ZNF385D: variants seen among roughly 807,000 people sequenced by gnomAD.
The protein encoded by ZNF385D is zinc finger protein 659.
A neutral mutation model predicts 35.8 loss-of-function variants in ZNF385D; 15 were observed. The observed-to-expected ratio is 0.42, with a 90% confidence interval of 0.28 to 0.64. The LOEUF (loss-of-function observed/expected upper bound fraction) is 0.64, where lower values mean the gene tolerates loss of function less well. Ranked by LOEUF, ZNF385D falls within the 30% of genes least tolerant of loss-of-function variation. The pLI is 0.23. For synonymous variants in ZNF385D, 212 were observed against 186.8 expected (o/e 1.13, Z -1.10); for missense variants, 474 against 494.6 (o/e 0.96, Z 0.39).
rs1553606517 is a variant in ZNF385D at position 22,094,397 on chromosome 3, T to TATATCAACAATATATATTGTTG, written c.325+74419_325+74420insCAACAATATATATTGTTGATAT. Among the ~76,000 whole-genome samples the TATATCAACAATATATATTGTTG allele has an allele frequency of 6.9e-3, 857 of 125,008 alleles. 51 individuals carry two copies. Among genetic ancestry groups the TATATCAACAATATATATTGTTG allele is most frequent in the Middle Eastern group, 0.046 (10 of 216 alleles). 82.0% of individuals were successfully genotyped at this position (125,008 alleles called of 152,430 possible). ...GTCATTTATTGTTGATATATATATA[T>TATATCAACAATATATATTGTTG]ATATATATATATAAAGGCATTTGTG... On this transcript the variant is annotated intron_variant, in intron 3 of 5. Transcript: ENST00000494108.
Position 22,200,947 on chromosome 3 carries a change from G to C in ZNF385D, c.107-31912C>G, listed in dbSNP as rs1852565. On this transcript the variant is annotated intron_variant, in intron 2 of 5. Transcript: ENST00000494108. ...TGCTGTTACCCTGGTCTTTTTTCAA[G>C]GTGTCCAGATTTCATATTGTTCAAA... Among the ~76,000 whole-genome samples, 1,326 of 152,130 alleles carry C rather than the reference G, an allele frequency of 8.7e-3. 19 individuals are homozygous for C. Among genetic ancestry groups the C allele is most frequent in the African/African-American group, 0.03 (1,252 of 41,526 alleles).
At chr3:22,026,876 C>A (rs1473371892) in intron 3 of ZNF385D, among the ~76,000 whole-genome samples, 1 of 152,170 alleles carries the variant, frequency 6.6e-6, no homozygotes, top group Non-Finnish European at 1.5e-5. Flanking sequence ...TTGGCCTGTG[C>A]AGAAGACAGA....
chr3:21,645,022 C>G, intron 2 of ZNF385D, among the ~76,000 whole-genome samples: 1 of 152,132 alleles, frequency 6.6e-6, no homozygotes, highest in East Asian at 1.9e-4. Flanking sequence ...TGTCTACAAA[C>G]AGGAAAGCTA....
intron 3 of ZNF385D, among the ~76,000 whole-genome samples, chr3:21,838,517 C>G (rs1017861292): frequency 6.6e-6 from 1 of 152,060 alleles, no homozygotes; most frequent in Non-Finnish European, 1.5e-5. Flanking sequence ...ATCACACCGA[C>G]ACTCTAAGGC....
chr3:22,252,360 T>C (rs1700104404), intron 2 of ZNF385D, among the ~76,000 whole-genome samples: 1 of 152,044 alleles, frequency 6.6e-6, no homozygotes, highest in Admixed American at 6.6e-5. Flanking sequence ...GTATCGATTG[T>C]TGTGTGGGGG....
intron 4 of ZNF385D, among the ~76,000 whole-genome samples, chr3:21,482,920 T>C (rs918565187): frequency 1.1e-4 from 16 of 152,156 alleles, no homozygotes; most frequent in Non-Finnish European, 1.5e-4. Flanking sequence ...ATTCCTGCAA[T>C]GACAACAGCA....
intron 3 of ZNF385D, among the ~76,000 whole-genome samples, chr3:21,757,158 C>T (rs1178408743): frequency 3.0e-5 from 3 of 100,682 alleles, no homozygotes; most frequent in African/African-American, 1.3e-4. Flanking sequence ...GAGATGGTGT[C>T]TCACTCTCTC....
At chr3:22,161,267 C>A (rs1032634705) in intron 3 of ZNF385D, among the ~76,000 whole-genome samples, 1 of 151,894 alleles carries the variant, frequency 6.6e-6, no homozygotes, top group East Asian at 1.9e-4. Context: ...ACTGTACAAA[C>A]AATATTTCTT....
chr3:21,839,360 AG>A (rs1395587898), intron 3 of ZNF385D, among the ~76,000 whole-genome samples: 1 of 152,124 alleles, frequency 6.6e-6, no homozygotes, highest in Non-Finnish European at 1.5e-5. Flanking sequence ...ACAGTCCAAA[AG>A]CTCATCATCT....
At chr3:21,845,019 TAAGAG>T (rs1695913897) in intron 3 of ZNF385D, among the ~76,000 whole-genome samples, 2 of 151,680 alleles carry the variant, frequency 1.3e-5, no homozygotes. Flanking sequence ...TGTAAATAAA[TAAGAG>T]AAGAAAAAGA....
rs1215616996 is a variant in ZNF385D at position 22,241,062 on chromosome 3, C to A, written c.107-72027G>T. Among the ~76,000 whole-genome samples the A allele has an allele frequency of 3.0e-4, 45 of 151,108 alleles. 1 individual carries two copies. Among genetic ancestry groups the A allele is most frequent in the Admixed American group, 2.7e-3 (41 of 15,168 alleles). On this transcript the variant is annotated intron_variant, in intron 2 of 5. Coordinates refer to the ZNF385D transcript ENST00000494108. The stretch of plus-strand genomic sequence containing the variant: ...TGAGTAAATTTTTGCCTTGTTAATA[C>A]CCAATGAAGAGCTCCAAAGTAGCAG...
At chr3:21,473,856 A>C (rs1356652177) in intron 4 of ZNF385D, among the ~76,000 whole-genome samples, 1 of 152,016 alleles carries the variant, frequency 6.6e-6, no homozygotes, top group Non-Finnish European at 1.5e-5. Context: ...ACGCTCACCC[A>C]TTTTCTTCTA....
chr3:21,787,964 A>C (rs112012683), intron 3 of ZNF385D, among the ~76,000 whole-genome samples: 4 of 90,938 alleles, frequency 4.4e-5, no homozygotes, highest in Non-Finnish European at 1.1e-4. Context: ...AAAAAAAAAA[A>C]AAAAAAAAAA....
intron 3 of ZNF385D, among the ~76,000 whole-genome samples, chr3:21,535,100 A>G (rs1432273555): frequency 6.6e-6 from 1 of 152,140 alleles, no homozygotes; most frequent in Non-Finnish European, 1.5e-5. Context: ...AGGCTAAATC[A>G]TCTAAAGAAC....
intron 3 of ZNF385D, among the ~76,000 whole-genome samples, chr3:21,974,571 T>C (rs1029878385): frequency 1.1e-4 from 16 of 151,942 alleles, no homozygotes; most frequent in Admixed American, 2.0e-4. Context: ...AATGGACAAA[T>C]GGGTTCACAT....
chr3:22,260,041 C>A (rs947223609), intron 2 of ZNF385D, among the ~76,000 whole-genome samples: 3 of 151,852 alleles, frequency 2.0e-5, no homozygotes, highest in African/African-American at 7.3e-5. Flanking sequence ...ATATAGTATA[C>A]TAATAATTGA....
intron 1 of ZNF385D, among the ~76,000 whole-genome samples, chr3:21,718,106 G>A (rs890007901): frequency 9.2e-5 from 14 of 152,234 alleles, no homozygotes; most frequent in East Asian, 7.7e-4. Context: ...AAATCACTAG[G>A]CTAAATAAAA....
At chr3:22,170,495 T>C (rs1019522187) in intron 2 of ZNF385D, among the ~76,000 whole-genome samples, 14 of 152,186 alleles carry the variant, frequency 9.2e-5, no homozygotes, top group African/African-American at 2.4e-4. Flanking sequence ...GAGTAAAAGG[T>C]TGGTCAGTAC....
chr3:21,777,121 C>A (rs1022046774), intron 3 of ZNF385D, among the ~76,000 whole-genome samples: 1 of 151,882 alleles, frequency 6.6e-6, no homozygotes, highest in African/African-American at 2.4e-5. Context: ...AATTTAATTA[C>A]ATTATGTAAA....
Sources: allele counts gnomAD v4.1 joint callset (sites outside exome capture counted in the v4.1 genomes callset), GRCh38; gene constraint gnomAD v4.1.1; transcripts MANE v1.5; gene names NCBI Gene and HGNC (gene_info 2026-07-23, HGNC 2026-07-21).